The following SDK1 variants were observed in gnomAD, a reference collection of about 807,000 sequenced individuals.
SDK1 encodes protein sidekick-1.
SDK1 carries 157 observed loss-of-function variants against 245.5 expected under a neutral mutation model. The observed-to-expected ratio is 0.64, with a 90% CI of 0.56 to 0.73. The LOEUF is 0.73. SDK1 is among the 30% of genes least tolerant of loss of function. The probability of loss-of-function intolerance (pLI) is 0.00; values close to 1 mark genes in which losing one functional copy is unlikely to be tolerated. For synonymous variants in SDK1, 1,647 were observed against 1,278.5 expected, an observed-to-expected ratio of 1.29 and a Z score of -6.15; for missense variants, 3,583 against 3,002.3, an observed-to-expected ratio of 1.19 and a Z score of -4.52.
In SDK1 at chr7:4,101,880, A is replaced by C. The variant is rs1284431544; in HGVS notation, c.3325-8783A>C. On this transcript the variant is annotated intron_variant, in intron 22 of 44. Transcript: ENST00000404826. The stretch of plus-strand genomic sequence containing the variant: ...AGGACACACTCAGGAGGGTCAGAGA[A>C]AGGGCCAGATGGGGAGTGGAGGGAG... 2.0e-5 allele frequency among the ~76,000 whole-genome samples: 3 copies of C among 150,542 alleles called. No homozygotes were observed. The East Asian group carries it at 5.8e-4, about 29-fold the overall frequency.
chr7:4,234,774 G>A (rs1786042124), intron 41 of SDK1, among the ~76,000 whole-genome samples: 1 of 152,228 alleles, frequency 6.6e-6, no homozygotes, highest in African/African-American at 2.4e-5. Context: ...GTGCAGACCG[G>A]CTGCAAGCCA....
At chr7:4,108,555 C>A (rs1432730444) in intron 22 of SDK1, among the ~76,000 whole-genome samples, 1 of 152,148 alleles carries the variant, frequency 6.6e-6, no homozygotes, top group East Asian at 1.9e-4. Context: ...AATTACACCA[C>A]CCTGTGGTTT....
chr7:3,571,265 C>T (rs6969407), intron 1 of SDK1, among the ~76,000 whole-genome samples: 90,831 of 151,816 alleles, frequency 0.6, 27,882 homozygotes, highest in South Asian at 0.72. Context: ...GTTGTTCTTA[C>T]TGTAGATTAT....
At chr7:3,728,739 G>T (rs559762621) in intron 4 of SDK1, among the ~76,000 whole-genome samples, 46 of 152,258 alleles carry the variant, frequency 3.0e-4, no homozygotes, top group Admixed American at 2.8e-3. Flanking sequence ...CCAAGTAGCT[G>T]GGATTACAGG....
At chr7:3,819,884 A>G (rs984727344) in intron 4 of SDK1, among the ~76,000 whole-genome samples, 1 of 152,204 alleles carries the variant, frequency 6.6e-6, no homozygotes, top group Admixed American at 6.5e-5. Flanking sequence ...TTATAATGCT[A>G]AAATTCCTCA....
Position 4,175,815 on chromosome 7 carries a change from G to T in SDK1, c.4977G>T (p.Ser1659=), listed in dbSNP as rs774410950. The change falls in exon 34 of 45, where the codon TCG becomes TCT. Residue 1659 remains serine (S), a synonymous_variant. Coordinates refer to ENST00000404826, the MANE Select transcript of SDK1 (RefSeq NM_152744.4). ...SFKTVNSSST[S]TMCELTHLKK... is the part of the protein sequence containing the mutation. ...AGACGGTGAACAGCAGCTCCACATC[G>T]ACGATGTGTGAACTAACACGTAAGT... The T allele has an allele frequency of 1.5e-5, 24 of 1,613,686 alleles. No individual in the cohort carries two copies. Among genetic ancestry groups the T allele is most frequent in the Non-Finnish European group, 2.0e-5 (24 of 1,180,000 alleles).
intron 5 of SDK1, among the ~76,000 whole-genome samples, chr7:3,891,153 G>A (rs1161715812): frequency 6.6e-6 from 1 of 152,154 alleles, no homozygotes; most frequent in Non-Finnish European, 1.5e-5. Flanking sequence ...TACTTCCACT[G>A]GGAAAGAGGA....
intron 1 of SDK1, among the ~76,000 whole-genome samples, chr7:3,538,295 A>G (rs996058890): frequency 1.3e-4 from 19 of 151,440 alleles, no homozygotes; most frequent in African/African-American, 3.9e-4. Context: ...AGCTGTCCGC[A>G]TTTTGTCTTT....
At chr7:3,973,570 G>T (rs986956462) in intron 12 of SDK1, among the ~76,000 whole-genome samples, 9 of 152,090 alleles carry the variant, frequency 5.9e-5, no homozygotes, top group Middle Eastern at 3.4e-3. Flanking sequence ...TTTTTGAAGG[G>T]TGATTTTTTT....
chr7:3,580,493 A>G lies in SDK1; in HGVS notation c.299-38587A>G, dbSNP rs932647071. 1.1e-4 allele frequency among the ~76,000 whole-genome samples: 16 copies of G among 152,180 alleles called. 1 individual carries two copies. The highest frequency in any genetic ancestry group is 1.9e-4 in the Non-Finnish European group (13 of 68,028). ...GAGTACCCACAGATAAGGCCATCAC[A>G]CCTAGAACCATCTGATCTTTGACAA... On this transcript the variant is annotated intron_variant, in intron 1 of 44. Transcript: ENST00000404826.
chr7:4,230,709 G>A (rs936842493), intron 40 of SDK1, among the ~76,000 whole-genome samples: 1 of 152,100 alleles, frequency 6.6e-6, no homozygotes, highest in Non-Finnish European at 1.5e-5. Context: ...TACATGGATG[G>A]ATGGGTGGAT....
chr7:3,576,131 C>A (rs534655838), intron 1 of SDK1, among the ~76,000 whole-genome samples: 1 of 152,252 alleles, frequency 6.6e-6, no homozygotes, highest in African/African-American at 2.4e-5. Context: ...TTATTTCCAG[C>A]TGTCATCAGA....
At chr7:3,962,269 A>C (rs146896645) in intron 8 of SDK1, among the ~76,000 whole-genome samples, 1 of 152,186 alleles carries the variant, frequency 6.6e-6, no homozygotes, top group East Asian at 1.9e-4. Flanking sequence ...CTCTGCCCCT[A>C]TGACCCTGTG....
chr7:3,442,395 A>G (rs1780220661), intron 1 of SDK1, among the ~76,000 whole-genome samples: 1 of 152,238 alleles, frequency 6.6e-6, no homozygotes, highest in African/African-American at 2.4e-5. Context: ...TAAAGACCAC[A>G]AATGGAATGG....
At chr7:3,468,025 A>G (rs1252600314) in intron 1 of SDK1, among the ~76,000 whole-genome samples, 1 of 152,148 alleles carries the variant, frequency 6.6e-6, no homozygotes, top group East Asian at 1.9e-4. Flanking sequence ...GACATTTATA[A>G]TGTAATCTAT....
At chr7:4,104,577 C>G (rs187476423) in intron 22 of SDK1, among the ~76,000 whole-genome samples, 50 of 152,342 alleles carry the variant, frequency 3.3e-4, no homozygotes, top group Non-Finnish European at 2.6e-4. Flanking sequence ...CTTTCATTCA[C>G]TCTACATACT....
intron 1 of SDK1, among the ~76,000 whole-genome samples, chr7:3,560,050 G>A (rs1779700075): frequency 6.6e-6 from 1 of 152,190 alleles, no homozygotes; most frequent in Admixed American, 6.5e-5. Context: ...CCTGTCATGA[G>A]CACATTTCTT....
intron 34 of SDK1, among the ~76,000 whole-genome samples, chr7:4,177,306 C>T (rs1229533982): frequency 1.3e-5 from 2 of 152,220 alleles, no homozygotes; most frequent in East Asian, 1.9e-4. Context: ...CACATGGGAC[C>T]TCGGAAAAGC....
intron 14 of SDK1, among the ~76,000 whole-genome samples, chr7:3,997,506 G>A (rs550476165): frequency 5.3e-5 from 8 of 151,908 alleles, no homozygotes; most frequent in African/African-American, 7.3e-5. Context: ...TTCTCTCTGC[G>A]GCTGGTCGTC....
Sources: allele counts gnomAD v4.1 joint callset (sites outside exome capture counted in the v4.1 genomes callset), GRCh38; gene constraint gnomAD v4.1.1; transcripts MANE v1.5; gene names NCBI Gene and HGNC (gene_info 2026-07-23, HGNC 2026-07-21).